Variants in ETV1 observed in about 807,000 individuals in gnomAD.
ETV1 encodes the protein ETS translocation variant 1.
In ETV1, 27 loss-of-function variants were observed where a neutral mutation model predicts 62.3. The observed-to-expected ratio is 0.43, with a 90% CI of 0.32 to 0.60. The LOEUF (loss-of-function observed/expected upper bound fraction) is 0.60, where lower values mean the gene tolerates loss of function less well. ETV1 is among the 20% of genes least tolerant of loss of function. ETV1 has a pLI of 0.06. For missense variants in ETV1, 605 were observed against 605.8 expected (o/e 1.00, Z 0.01); for synonymous variants, 222 against 199.6 (o/e 1.11, Z -0.94).
intron 6 of ETV1, among the ~76,000 whole-genome samples, chr7:13,943,635 T>G (rs1158454876): frequency 6.6e-6 from 1 of 152,074 alleles, no homozygotes; most frequent in Non-Finnish European, 1.5e-5. Flanking sequence ...AATGGGCAAA[T>G]GGATAAATAA....
At position 13,932,044 on chromosome 7, in the gene ETV1, C is replaced by CCACACACACA. The variant is rs60981382; in HGVS notation, c.555-305_555-296dup. On this transcript the variant is annotated intron_variant, in intron 8 of 13. Coordinates refer to ENST00000430479, the MANE Select transcript of ETV1 (RefSeq NM_004956.5). ...GAAAAACTTTGAGGATTTTACACAC[C>CCACACACACA]CACACACACACACACACACACACAC... Among the ~76,000 whole-genome samples the CCACACACACA allele has an allele frequency of 9.3e-3, 1,371 of 148,036 alleles. 21 individuals carry two copies. The highest frequency in any genetic ancestry group is 0.033 in the African/African-American group (1,303 of 40,034).
intron 9 of ETV1, among the ~76,000 whole-genome samples, chr7:13,921,224 C>T (rs1008917971): frequency 6.6e-6 from 1 of 152,086 alleles, no homozygotes; most frequent in African/African-American, 2.4e-5. Context: ...TGGAATAAGG[C>T]CACGGTTTAG....
At chr7:13,959,984 A>G (rs1789979771) in intron 6 of ETV1, among the ~76,000 whole-genome samples, 1 of 150,844 alleles carries the variant, frequency 6.6e-6, no homozygotes, top group African/African-American at 2.4e-5. Context: ...TAAGTTAAAT[A>G]CTTGGAGTAC....
chr7:13,957,430 T>G (rs889647593), intron 6 of ETV1, among the ~76,000 whole-genome samples: 1 of 152,168 alleles, frequency 6.6e-6, no homozygotes, highest in Non-Finnish European at 1.5e-5. Context: ...CCCATTTGAA[T>G]GAACAGGTAT....
chr7:13,936,027 T>C (rs1231553313), intron 7 of ETV1, 131 bp from the exon 8 acceptor site: 4 of 712,364 alleles, frequency 5.6e-6, no homozygotes, highest in South Asian at 2.0e-5. Context: ...GTTGTTGCTA[T>C]TGTTGTTTAA....
chr7:13,913,511 G>A (rs1166854171), intron 9 of ETV1, among the ~76,000 whole-genome samples: 7 of 152,278 alleles, frequency 4.6e-5, no homozygotes, highest in African/African-American at 9.6e-5. Flanking sequence ...GGAGGACCAC[G>A]TGGAGTAAGT....
At chr7:13,966,923 G>C (rs1291837070) in intron 6 of ETV1, among the ~76,000 whole-genome samples, 1 of 151,864 alleles carries the variant, frequency 6.6e-6, no homozygotes, top group African/African-American at 2.4e-5. Context: ...CATATAATAG[G>C]GACTCAAAAC....
At chr7:13,935,940 G>A (rs1422943130) in intron 7 of ETV1, 44 bp from the exon 8 acceptor site, 3 of 1,460,388 alleles carry the variant, frequency 2.1e-6, no homozygotes, top group Admixed American at 2.2e-5. Context: ...TTTCTTTGGA[G>A]CAATTTTTTA....
At chr7:13,917,386 C>G (rs371494312) in intron 9 of ETV1, among the ~76,000 whole-genome samples, 33 of 151,788 alleles carry the variant, frequency 2.2e-4, no homozygotes, top group Non-Finnish European at 4.3e-4. Context: ...GGTGCGATCT[C>G]AGCTCACTGC....
Position 13,895,756 on chromosome 7 carries a change from A to T in ETV1, c.*110T>A. The T allele has an allele frequency of 3.9e-6, 3 of 772,650 alleles. No individual in the cohort carries two copies. The highest frequency in any genetic ancestry group is 5.3e-5 in the Admixed American group (2 of 37,624). The allele number at this position is 772,650 out of a possible 1,614,324, so 47.9% of individuals were successfully genotyped here. A position where few individuals can be genotyped will look rare whatever the true frequency, so the allele number is the denominator to read the frequency against. ...GAAAAGCCCCTTTTTGTGTATTATT[A>T]TTTAAAAATAAAATACAAACAACAG... On this transcript the variant is annotated 3_prime_UTR_variant, in exon 14 of 14. Transcript: ENST00000430479.
intron 6 of ETV1, among the ~76,000 whole-genome samples, chr7:13,953,136 T>G (rs1789024433): frequency 6.6e-6 from 1 of 152,152 alleles, no homozygotes; most frequent in South Asian, 2.1e-4. Flanking sequence ...GGAAACAAAT[T>G]CTGTACAGGG....
At chr7:13,951,207 C>A (rs1269684585) in intron 6 of ETV1, among the ~76,000 whole-genome samples, 1 of 152,150 alleles carries the variant, frequency 6.6e-6, no homozygotes, top group Non-Finnish European at 1.5e-5. Context: ...CTCTCACACA[C>A]ACATACACAT....
chr7:13,921,283 T>C (rs907575004), intron 9 of ETV1, among the ~76,000 whole-genome samples: 5 of 152,196 alleles, frequency 3.3e-5, no homozygotes, highest in African/African-American at 1.2e-4. Flanking sequence ...GTTCATGGAA[T>C]CATAATCATT....
chr7:13,908,250 A>C (rs1049778998), intron 11 of ETV1, among the ~76,000 whole-genome samples: 1 of 152,184 alleles, frequency 6.6e-6, no homozygotes, highest in African/African-American at 2.4e-5. Flanking sequence ...CGAAGGGAAT[A>C]AATAATCAAG....
At chr7:13,972,464 TG>T (rs2128494828) in intron 6 of ETV1, among the ~76,000 whole-genome samples, 1 of 152,306 alleles carries the variant, frequency 6.6e-6, no homozygotes, top group African/African-American at 2.4e-5. Context: ...ATAACATTAT[TG>T]ATGTAATTAA....
At chr7:13,896,898 T>C (rs1781902985) in intron 13 of ETV1, among the ~76,000 whole-genome samples, 1 of 151,984 alleles carries the variant, frequency 6.6e-6, no homozygotes, top group South Asian at 2.1e-4. Flanking sequence ...TAAGGATGTG[T>C]GTAAAGTGTC....
At chr7:13,956,305 G>C (rs149257268) in intron 6 of ETV1, among the ~76,000 whole-genome samples, 1 of 151,346 alleles carries the variant, frequency 6.6e-6, no homozygotes, top group East Asian at 1.9e-4. Flanking sequence ...CAACCTCCCA[G>C]CTGCTAGTTC....
At chr7:13,899,518 C>T (rs999202847) in intron 13 of ETV1, among the ~76,000 whole-genome samples, 2 of 152,210 alleles carry the variant, frequency 1.3e-5, no homozygotes, top group Non-Finnish European at 2.9e-5. Context: ...TAATAAGCTT[C>T]ATGTAGCAAC....
At chr7:13,988,913 C>G in intron 3 of ETV1, 95 bp downstream of exon 3, 1 of 1,499,878 alleles carries the variant, frequency 6.7e-7, no homozygotes, top group Non-Finnish European at 9.2e-7. Flanking sequence ...ATCTGCAATC[C>G]CAACCCCCGT....
Sources: allele counts gnomAD v4.1 joint callset (sites outside exome capture counted in the v4.1 genomes callset), GRCh38; gene constraint gnomAD v4.1.1; transcripts MANE v1.5; gene names NCBI Gene and HGNC (gene_info 2026-07-23, HGNC 2026-07-21).